The following TTLL11 variants were observed in gnomAD, a reference collection of about 807,000 sequenced individuals.
TTLL11 encodes tubulin tyrosine ligase like 11.
TTLL11 carries 42 observed loss-of-function variants against 51.7 expected under a neutral mutation model. That is an observed-to-expected ratio of 0.81 (90% CI 0.64 to 1.05). The LOEUF (loss-of-function observed/expected upper bound fraction) is 1.05. TTLL11 is among the 50% of genes least tolerant of loss of function. TTLL11 has a pLI of 0.00. For synonymous variants in TTLL11, 381 were observed against 383.5 expected (o/e 0.99, Z 0.08); for missense variants, 799 against 940.4 (o/e 0.85, Z 1.97).
intron 8 of TTLL11, among the ~76,000 whole-genome samples, chr9:121,841,457 G>C (rs919479794): frequency 9.9e-5 from 15 of 152,158 alleles, no homozygotes; most frequent in African/African-American, 3.6e-4. Context: ...CTTATGTAAG[G>C]CTTCCTCCTC....
intron 6 of TTLL11, among the ~76,000 whole-genome samples, chr9:121,913,997 G>C (rs1840233732): frequency 6.6e-6 from 1 of 152,118 alleles, no homozygotes; most frequent in Non-Finnish European, 1.5e-5. Flanking sequence ...AATTCTGAAG[G>C]CAGCAATTAC....
chr9:121,859,672 C>T (rs879678118), intron 8 of TTLL11, among the ~76,000 whole-genome samples: 3 of 152,204 alleles, frequency 2.0e-5, no homozygotes, highest in Non-Finnish European at 2.9e-5. Context: ...TGACAGCTCC[C>T]ATAACCCCAT....
At chr9:122,016,891 A>C (rs981586890) in intron 3 of TTLL11, among the ~76,000 whole-genome samples, 1 of 152,168 alleles carries the variant, frequency 6.6e-6, no homozygotes, top group Non-Finnish European at 1.5e-5. Context: ...AACTCTAAGG[A>C]ATTTTTTTAT....
intron 6 of TTLL11, among the ~76,000 whole-genome samples, chr9:121,913,848 G>A (rs900857093): frequency 6.6e-6 from 1 of 152,160 alleles, no homozygotes; most frequent in African/African-American, 2.4e-5. Flanking sequence ...GGACAGGGCT[G>A]CGGAAATGAA....
chr9:121,889,252 G>C (rs1839129611), intron 6 of TTLL11, among the ~76,000 whole-genome samples: 1 of 152,010 alleles, frequency 6.6e-6, no homozygotes, highest in Non-Finnish European at 1.5e-5. Flanking sequence ...AATAGTGAGA[G>C]ACAGAGAGAG....
intron 1 of TTLL11, among the ~76,000 whole-genome samples, chr9:122,063,122 G>A (rs770118755): frequency 1.1e-4 from 17 of 152,046 alleles, no homozygotes; most frequent in Admixed American, 2.6e-4. Context: ...TCCTTTGCCC[G>A]AATTTTTTTT....
At chr9:122,023,654 A>G (rs78332407) in intron 3 of TTLL11, among the ~76,000 whole-genome samples, 1,698 of 152,066 alleles carry the variant, frequency 0.011, 40 homozygotes, top group African/African-American at 0.039. Context: ...AAATCAACCA[A>G]TGTAACTCAA....
In TTLL11 at chr9:121,874,742, C is replaced by T. The variant is rs567341781; in HGVS notation, c.1482-3994G>A. Among the ~76,000 whole-genome samples, 3 of 151,600 alleles carry T rather than the reference C, an allele frequency of 2.0e-5. No homozygotes were observed. The South Asian group carries it at 6.3e-4, about 32-fold the overall frequency. ...ATCAGTCCCCTGAGTGATGTGCTCC[C>T]TCTCAGAGGCATAATTTTTTTTTTT... On this transcript the variant is annotated intron_variant, in intron 6 of 8. Transcript: ENST00000321582.
chr9:121,965,010 A>G (rs1842359516), intron 6 of TTLL11, among the ~76,000 whole-genome samples: 1 of 152,182 alleles, frequency 6.6e-6, no homozygotes, highest in Admixed American at 6.5e-5. Context: ...TTCCCCTGAC[A>G]CACAGTAAGT....
chr9:122,013,303 G>C (rs1208120453), intron 3 of TTLL11, among the ~76,000 whole-genome samples: 1 of 152,184 alleles, frequency 6.6e-6, no homozygotes, highest in Non-Finnish European at 1.5e-5. Flanking sequence ...ACAGGATTGG[G>C]ATCAGAGGAC....
intron 3 of TTLL11, among the ~76,000 whole-genome samples, chr9:122,029,464 G>A (rs1290936376): frequency 1.3e-5 from 2 of 152,130 alleles, no homozygotes; most frequent in African/African-American, 2.4e-5. Context: ...AGGCCTAGGC[G>A]AAGGTATGTG....
At chr9:121,843,926 A>G in intron 8 of TTLL11, among the ~76,000 whole-genome samples, 1 of 152,196 alleles carries the variant, frequency 6.6e-6, no homozygotes, top group Non-Finnish European at 1.5e-5. Context: ...TTCCTGCCTC[A>G]GCCTTCCAAA....
chr9:121,866,150 C>T (rs751849065), intron 7 of TTLL11, among the ~76,000 whole-genome samples: 8 of 152,154 alleles, frequency 5.3e-5, no homozygotes, highest in Non-Finnish European at 1.0e-4. Context: ...GAGAAGGGCA[C>T]TTGGTTCGAT....
intron 4 of TTLL11, among the ~76,000 whole-genome samples, chr9:121,977,697 A>G (rs10818613): frequency 0.92 from 137,435 of 149,562 alleles, 63,484 homozygotes; most frequent in Non-Finnish European, 0.98. Flanking sequence ...TTTTTGAGAC[A>G]GAGTTTCTCT....
At chr9:121,883,032 CAGAGAACATGA>C in intron 6 of TTLL11, among the ~76,000 whole-genome samples, 1 of 152,190 alleles carries the variant, frequency 6.6e-6, no homozygotes, top group Middle Eastern at 3.4e-3. Context: ...TTCTTTAAGA[CAGAGAACATGA>C]AGAATTTGGG....
rs1473028915 is a variant in TTLL11, at chr9:121,860,528, G to A, written c.1734-85C>T. 4.5e-6 allele frequency: 5 copies of A among 1,100,176 alleles called. No individual in the cohort carries two copies. In the African/African-American group the frequency reaches 4.6e-5, roughly 10 times the overall value. The allele number at this position is 1,100,176 out of a possible 1,614,324, so 68.2% of individuals were successfully genotyped here. A position where few individuals can be genotyped will look rare whatever the true frequency, so the allele number is the denominator to read the frequency against. ...CCTCCACTCCTGTTAGGGACTGAAT[G>A]TTTGTCCTCCCCAAATCCATAGGTT... On this transcript the variant is annotated intron_variant, in intron 7 of 8. Coordinates refer to ENST00000321582, the MANE Select transcript of TTLL11 (RefSeq NM_001139442.2).
intron 6 of TTLL11, among the ~76,000 whole-genome samples, chr9:121,948,903 G>A (rs991264306): frequency 6.6e-6 from 1 of 152,114 alleles, no homozygotes; most frequent in Non-Finnish European, 1.5e-5. Context: ...GCAAGCTTTG[G>A]GCACAAAGGG....
intron 8 of TTLL11, among the ~76,000 whole-genome samples, chr9:121,848,232 A>AT (rs1463342960): frequency 1.3e-5 from 2 of 152,114 alleles, no homozygotes; most frequent in African/African-American, 4.8e-5. Flanking sequence ...AAAAAAAAAA[A>AT]GGAATCATAT....
intron 6 of TTLL11, among the ~76,000 whole-genome samples, chr9:121,917,551 G>C (rs1451247038): frequency 8.4e-6 from 1 of 118,554 alleles, no homozygotes; most frequent in South Asian, 2.9e-4. Context: ...GGAAGAAAAA[G>C]AAAAAGAAAG....
Sources: allele counts gnomAD v4.1 joint callset (sites outside exome capture counted in the v4.1 genomes callset), GRCh38; gene constraint gnomAD v4.1.1; transcripts MANE v1.5; gene names NCBI Gene and HGNC (gene_info 2026-07-23, HGNC 2026-07-21).